Variants in CDC40 observed in about 807,000 individuals in gnomAD.
CDC40 encodes the protein pre-mRNA-processing factor 17.
A neutral mutation model predicts 80.6 loss-of-function variants in CDC40; 27 were observed. That is an observed-to-expected ratio of 0.33 (90% CI 0.25 to 0.46). The LOEUF (loss-of-function observed/expected upper bound fraction) is 0.46, where lower values mean the gene tolerates loss of function less well. Ranked by LOEUF, CDC40 falls within the 20% of genes least tolerant of loss-of-function variation. The pLI is 1.00. For missense variants in CDC40, 486 were observed against 694.1 expected, an observed-to-expected ratio of 0.70 and a Z score of 3.37; for synonymous variants, 221 against 232.6, an observed-to-expected ratio of 0.95 and a Z score of 0.45.
intron 2 of CDC40, 99 bp from the exon 3 acceptor site, chr6:110,201,459 C>T (rs1425414578): frequency 4.4e-6 from 4 of 916,848 alleles, no homozygotes; most frequent in Non-Finnish European, 6.3e-6. Context: ...TTAATAGGCC[C>T]TTTTTTTGTA....
rs189708722 is a variant in CDC40, at chr6:110,203,773, T to C, written c.406+2086T>C. On this transcript the variant is annotated intron_variant, in intron 3 of 14. Coordinates refer to ENST00000307731, the MANE Select transcript of CDC40 (RefSeq NM_015891.3). ...TGCTTTTAGCTTGCATTTATGGTAT[T>C]TCTCCTGACTTCTCAGCCCCTCAGT... Among the ~76,000 whole-genome samples the C allele has an allele frequency of 7.2e-5, 11 of 152,264 alleles. No individual in the cohort carries two copies. The East Asian group carries it at 2.1e-3, about 29-fold the overall frequency.
chr6:110,198,179 CTTT>C (rs559909824), intron 2 of CDC40, among the ~76,000 whole-genome samples: 5 of 136,654 alleles, frequency 3.7e-5, no homozygotes, highest in Non-Finnish European at 3.2e-5. Flanking sequence ...TACCTGTTGA[CTTT>C]TTTTTTTTTT....
chr6:110,204,898 C>T (rs1777543367), intron 3 of CDC40, among the ~76,000 whole-genome samples: 1 of 151,936 alleles, frequency 6.6e-6, no homozygotes. Context: ...AACTCCTGGC[C>T]TCAAGTAATC....
intron 1 of CDC40, among the ~76,000 whole-genome samples, chr6:110,189,690 C>T (rs1777319868): frequency 6.6e-6 from 1 of 152,156 alleles, no homozygotes; most frequent in East Asian, 1.9e-4. Context: ...TCATGTGTCT[C>T]TCCCTGCCAT....
intron 9 of CDC40, among the ~76,000 whole-genome samples, 164 bp downstream of exon 9, chr6:110,215,495 C>T (rs2114666785): frequency 6.6e-6 from 1 of 152,268 alleles, no homozygotes; most frequent in Non-Finnish European, 1.5e-5. Flanking sequence ...AGAAAGAGAA[C>T]TAGGAAGCAA....
chr6:110,180,640 A>AAATGCATAAGTAG lies in CDC40; in HGVS notation c.189+7_189+8insAATGCATAAGTAG. The AAATGCATAAGTAG allele has an allele frequency of 6.2e-7, 1 of 1,603,912 alleles. No individual in the cohort carries two copies. ...TCCGGAGGTGGCAGTTAAGGTAAGCACTTTTGCTACTAATGCAGTGTGGGA... is the reference window on the plus strand; with the variant it reads ...TCCGGAGGTGGCAGTTAAGGTAAGCAAATGCATAAGTAGCTTTTGCTACTAATGCAGTGTGGGA... On this transcript the variant is annotated splice_region_variant and intron_variant, in intron 1 of 14. Coordinates refer to ENST00000307731, the MANE Select transcript of CDC40 (RefSeq NM_015891.3).
chr6:110,196,937 A>G (rs1255847074), intron 2 of CDC40, among the ~76,000 whole-genome samples: 1 of 152,232 alleles, frequency 6.6e-6, no homozygotes, highest in African/African-American at 2.4e-5. Flanking sequence ...ACAATCTAGT[A>G]TACTATTATA....
At chr6:110,215,207 C>A in intron 8 of CDC40, 79 bp from the exon 9 acceptor site, 1 of 1,079,106 alleles carries the variant, frequency 9.3e-7, no homozygotes, top group Non-Finnish European at 1.4e-6. Context: ...CACACATAAC[C>A]AGCATAGGGC....
intron 13 of CDC40, among the ~76,000 whole-genome samples, chr6:110,226,470 T>C (rs1282650661): frequency 1.3e-5 from 2 of 152,186 alleles, no homozygotes; most frequent in African/African-American, 4.8e-5. Context: ...GAAACAATGA[T>C]TTACAGCTAA....
In CDC40 at chr6:110,201,521, CTTATT is replaced by C. The variant is rs551121911; in HGVS notation, c.277-24_277-20del. 86 of 1,507,774 alleles carry C rather than the reference CTTATT, an allele frequency of 5.7e-5. 1 individual carries two copies. Among genetic ancestry groups the C allele is most frequent in the South Asian group, 4.0e-4 (32 of 79,836 alleles). 93.4% of individuals were successfully genotyped at this position (1,507,774 alleles called of 1,614,324 possible). A position where few individuals can be genotyped will look rare whatever the true frequency, so the allele number is the denominator to read the frequency against. On this transcript the variant is annotated intron_variant, in intron 2 of 14. Coordinates refer to ENST00000307731, the MANE Select transcript of CDC40 (RefSeq NM_015891.3). The stretch of plus-strand genomic sequence containing the variant: ...ATATACTCAGAACTTTTGTGTCTTT[CTTATT>C]TTATTTTATTTTTTTTCTTGTAACA...
intron 1 of CDC40, among the ~76,000 whole-genome samples, chr6:110,192,263 C>T (rs1405638974): frequency 1.3e-5 from 2 of 152,126 alleles, no homozygotes; most frequent in Non-Finnish European, 2.9e-5. Flanking sequence ...TTAAGTTGAA[C>T]CACTGCAATA....
intron 2 of CDC40, among the ~76,000 whole-genome samples, chr6:110,193,862 A>C (rs865979301): frequency 1.3e-5 from 2 of 152,256 alleles, no homozygotes; most frequent in Middle Eastern, 3.2e-3. Context: ...ATATGAACTT[A>C]GTTGACATCT....
chr6:110,183,262 C>G (rs1487876358), intron 1 of CDC40, among the ~76,000 whole-genome samples: 3 of 152,190 alleles, frequency 2.0e-5, no homozygotes, highest in African/African-American at 7.2e-5. Flanking sequence ...GGTCCAGAGA[C>G]TGTTGTATCC....
Position 110,226,751 on chromosome 6 carries a change from C to T in CDC40, c.1417+508C>T, listed in dbSNP as rs116415664. ...CTAATTCTCCTTCCAAACAGAATCACGTTCAGTAAATCATTTAATAATGAT... is the reference window on the plus strand; with the variant it reads ...CTAATTCTCCTTCCAAACAGAATCATGTTCAGTAAATCATTTAATAATGAT... On this transcript the variant is annotated intron_variant, in intron 13 of 14. Coordinates refer to ENST00000307731, the MANE Select transcript of CDC40 (RefSeq NM_015891.3). Among the ~76,000 whole-genome samples the T allele has an allele frequency of 3.1e-3, 472 of 152,016 alleles. 4 individuals carry two copies. Among genetic ancestry groups the T allele is most frequent in the African/African-American group, 0.011 (455 of 41,478 alleles).
rs376639158 is a variant in CDC40 at position 110,199,313 on chromosome 6, C to T, written c.277-2245C>T. On this transcript the variant is annotated intron_variant, in intron 2 of 14. Coordinates refer to ENST00000307731, the MANE Select transcript of CDC40 (RefSeq NM_015891.3). ...TTTCTTTAAAAAGTGGAGCTAGTGG[C>T]GGGGCGCGGTGGCTCATGCCTATAG... is the stretch of plus-strand genomic sequence containing the variant. 1.1e-4 allele frequency among the ~76,000 whole-genome samples: 16 copies of T among 151,824 alleles called. No homozygotes were observed. In the South Asian group the frequency reaches 3.3e-3, roughly 32 times the overall value.
At chr6:110,206,206 C>T (rs1777560683) in intron 3 of CDC40, among the ~76,000 whole-genome samples, 1 of 152,140 alleles carries the variant, frequency 6.6e-6, no homozygotes, top group Non-Finnish European at 1.5e-5. Context: ...GGCGCGATCT[C>T]AGCTCACTGC....
chr6:110,213,686 A>G (rs1385728223), intron 8 of CDC40, among the ~76,000 whole-genome samples: 1 of 152,238 alleles, frequency 6.6e-6, no homozygotes, highest in Admixed American at 6.5e-5. Context: ...ACCTTATGAA[A>G]TAGAGAGGAC....
At chr6:110,188,903 CT>C (rs1185806645) in intron 1 of CDC40, among the ~76,000 whole-genome samples, 16 of 152,308 alleles carry the variant, frequency 1.1e-4, no homozygotes, top group African/African-American at 3.8e-4. Context: ...TAAGTGTATA[CT>C]GACCCTTTAT....
intron 1 of CDC40, among the ~76,000 whole-genome samples, chr6:110,188,923 A>G (rs1777309759): frequency 6.6e-6 from 1 of 152,172 alleles, no homozygotes; most frequent in Non-Finnish European, 1.5e-5. Flanking sequence ...ATTTCTGCCT[A>G]CTTGTCAAAG....
Sources: allele counts gnomAD v4.1 joint callset (sites outside exome capture counted in the v4.1 genomes callset), GRCh38; gene constraint gnomAD v4.1.1; transcripts MANE v1.5; gene names NCBI Gene and HGNC (gene_info 2026-07-23, HGNC 2026-07-21).